Variants in ADAMTS6 observed in about 807,000 individuals in gnomAD.
ADAMTS6 encodes A disintegrin and metalloproteinase with thrombospondin motifs 6.
A neutral mutation model predicts 144.3 loss-of-function variants in ADAMTS6; 23 were observed. The ratio of observed to expected loss-of-function variants is 0.16; its 90% CI spans 0.11 to 0.23. The LOEUF is 0.23. Ranked by LOEUF, ADAMTS6 falls within the 10% of genes least tolerant of loss-of-function variation. The pLI, the probability that ADAMTS6 is intolerant of heterozygous loss-of-function variation, is 1.00. For synonymous variants in ADAMTS6, 444 were observed against 457.5 expected, an observed-to-expected ratio of 0.97 and a Z score of 0.38; for missense variants, 999 against 1,379.6, an observed-to-expected ratio of 0.72 and a Z score of 4.37.
At position 65,237,377 on chromosome 5, in the gene ADAMTS6, G is replaced by A. The variant is rs200113993; in HGVS notation, c.1933+4727C>T. ...CAGTGCAGCCTGGGCGACAGAGGGA[G>A]ACCTTGTCTCAAAAAAAAAAAAAAA... On this transcript the variant is annotated intron_variant, in intron 15 of 24. Transcript: ENST00000381055. 3.9e-5 allele frequency among the ~76,000 whole-genome samples: 5 copies of A among 126,608 alleles called. No homozygotes were observed. The East Asian group carries it at 1.1e-3, about 29-fold the overall frequency. The allele number at this position is 126,608 out of a possible 152,430, so 83.1% of individuals were successfully genotyped here.
intron 7 of ADAMTS6, among the ~76,000 whole-genome samples, chr5:65,424,821 T>C (rs929927881): frequency 2.6e-5 from 4 of 152,336 alleles, no homozygotes; most frequent in East Asian, 1.9e-4. Flanking sequence ...AATTATGTTG[T>C]TTTCCTTGAT....
chr5:65,294,953 G>A (rs1159908391), intron 10 of ADAMTS6, among the ~76,000 whole-genome samples: 1 of 151,828 alleles, frequency 6.6e-6, no homozygotes, highest in African/African-American at 2.4e-5. Context: ...TATAAAAGTA[G>A]TCATACTGTG....
At chr5:65,447,080 T>C (rs1226171971) in intron 7 of ADAMTS6, among the ~76,000 whole-genome samples, 1 of 152,174 alleles carries the variant, frequency 6.6e-6, no homozygotes, top group African/African-American at 2.4e-5. Context: ...CAATACTTTA[T>C]AGGAGAGAAA....
At chr5:65,218,821 TA>T (rs200637282) in intron 18 of ADAMTS6, among the ~76,000 whole-genome samples, 6,860 of 151,892 alleles carry the variant, frequency 0.045, 210 homozygotes, top group Middle Eastern at 0.078. Flanking sequence ...TAGAAAGTAT[TA>T]AAAAAAACAG....
intron 7 of ADAMTS6, among the ~76,000 whole-genome samples, chr5:65,401,131 G>C (rs897967027): frequency 2.0e-5 from 3 of 152,042 alleles, no homozygotes; most frequent in African/African-American, 7.2e-5. Context: ...TGATATACTG[G>C]GTAAAAGCAA....
At chr5:65,210,431 A>G (rs1756435413) in intron 20 of ADAMTS6, 3 of 188,184 alleles carry the variant, frequency 1.6e-5, no homozygotes, top group Admixed American at 1.2e-4. Context: ...AGCCTGGGCG[A>G]CAGAGCGAAA....
At chr5:65,264,690 T>C (rs1761468680) in intron 12 of ADAMTS6, among the ~76,000 whole-genome samples, 1 of 152,054 alleles carries the variant, frequency 6.6e-6, no homozygotes, top group African/African-American at 2.4e-5. Flanking sequence ...ATTGAAGAAT[T>C]CAGTTCCTCA....
chr5:65,260,580 CAG>C lies in ADAMTS6; in HGVS notation c.1830+18_1830+19del. The C allele has an allele frequency of 1.9e-6, 3 of 1,608,418 alleles. No homozygotes were observed. The highest frequency in any genetic ancestry group is 1.7e-6 in the Non-Finnish European group (2 of 1,177,122). ...GAAAGAGTAAGCTAATTTTTCATAA[CAG>C]AGTTTGGTTTTACTTACATCTGTGT... On this transcript the variant is annotated intron_variant, in intron 14 of 24. Transcript: ENST00000381055.
chr5:65,221,940 A>C (rs780760834), intron 18 of ADAMTS6, among the ~76,000 whole-genome samples: 1 of 152,218 alleles, frequency 6.6e-6, no homozygotes, highest in Non-Finnish European at 1.5e-5. Flanking sequence ...TGCAAGACCT[A>C]TATACTGAAA....
rs543284706 is a variant in ADAMTS6 at position 65,192,374 on chromosome 5, GT to G, written c.2706-4155del. Among the ~76,000 whole-genome samples the G allele has an allele frequency of 3.2e-3, 481 of 152,050 alleles. 10 individuals carry two copies. The highest frequency in any genetic ancestry group is 9.7e-3 in the African/African-American group (405 of 41,548). On this transcript the variant is annotated intron_variant, in intron 21 of 24. Transcript: ENST00000381055. ...TCCAACTTGAAGTTGATTAATAAAT[GT>G]TTTTAAATTCTTGGTCACAATATTA...
intron 24 of ADAMTS6, among the ~76,000 whole-genome samples, chr5:65,157,942 GATTTCAATTTCCC>G (rs1282011097): frequency 5.9e-5 from 9 of 152,264 alleles, no homozygotes; most frequent in African/African-American, 2.2e-4. Flanking sequence ...ACTTTACACT[GATTTCAATTTCCC>G]ATAGACTAGA....
At chr5:65,261,420 G>A (rs190990491) in intron 13 of ADAMTS6, among the ~76,000 whole-genome samples, 4 of 151,918 alleles carry the variant, frequency 2.6e-5, no homozygotes, top group Admixed American at 1.3e-4. Context: ...AAGAGGTCCA[G>A]TTTTTTCCCT....
At chr5:65,346,506 C>T (rs933482223) in intron 7 of ADAMTS6, among the ~76,000 whole-genome samples, 1 of 151,698 alleles carries the variant, frequency 6.6e-6, no homozygotes, top group Non-Finnish European at 1.5e-5. Flanking sequence ...ATATGACAAA[C>T]CCACAGCTAA....
At chr5:65,357,229 A>C (rs879014022) in intron 7 of ADAMTS6, among the ~76,000 whole-genome samples, 1 of 151,944 alleles carries the variant, frequency 6.6e-6, no homozygotes, top group Admixed American at 6.6e-5. Context: ...TCAAAAAAGA[A>C]ATAGAATGCA....
intron 10 of ADAMTS6, among the ~76,000 whole-genome samples, chr5:65,296,873 G>C (rs1285548942): frequency 6.6e-6 from 1 of 152,182 alleles, no homozygotes; most frequent in Non-Finnish European, 1.5e-5. Context: ...CAGAGCAAGA[G>C]TTGATTCACA....
rs78198303 is a variant in ADAMTS6, at chr5:65,246,226, C to T, written c.1831-4020G>A. On this transcript the variant is annotated intron_variant, in intron 14 of 24. Coordinates refer to ENST00000381055, the MANE Select transcript of ADAMTS6 (RefSeq NM_197941.4). Reference sequence around the variant, plus strand: ...ATTATCCTTCTCCTTTCTTCTGGATCCACACTGAACAAATCTTACCCTAAA... The same window carrying T: ...ATTATCCTTCTCCTTTCTTCTGGATTCACACTGAACAAATCTTACCCTAAA... 3.3e-3 allele frequency among the ~76,000 whole-genome samples: 506 copies of T among 152,292 alleles called. 3 individuals carry two copies. Among genetic ancestry groups the T allele is most frequent in the African/African-American group, 0.011 (467 of 41,576 alleles).
chr5:65,375,954 G>A lies in ADAMTS6; in HGVS notation c.1074-41869C>T, dbSNP rs1000110745. On this transcript the variant is annotated intron_variant, in intron 7 of 24. Transcript: ENST00000381055. ...CCGTAAAAAATGATGAGTTCATGTC[G>A]TTTGTAGGGACATGGATGAAATTGG... 2.9e-4 allele frequency among the ~76,000 whole-genome samples: 44 copies of A among 152,220 alleles called. 1 individual carries two copies. The highest frequency in any genetic ancestry group is 1.0e-4 in the Non-Finnish European group (7 of 68,022).
intron 24 of ADAMTS6, among the ~76,000 whole-genome samples, chr5:65,157,025 G>A (rs936493689): frequency 4.6e-5 from 7 of 152,184 alleles, no homozygotes; most frequent in South Asian, 2.1e-4. Flanking sequence ...ATGACTTTAC[G>A]GAGAATTCCC....
chr5:65,400,871 G>A (rs1753860651), intron 7 of ADAMTS6, among the ~76,000 whole-genome samples: 1 of 152,094 alleles, frequency 6.6e-6, no homozygotes, highest in Non-Finnish European at 1.5e-5. Context: ...CCGTTACAGC[G>A]TTTTTGATCT....
Sources: gnomAD v4.1 joint callset for allele counts (sites outside exome capture counted in the v4.1 genomes callset) on GRCh38, gnomAD v4.1.1 for gene constraint, MANE v1.5 for transcripts, NCBI Gene and HGNC (gene_info 2026-07-23, HGNC 2026-07-21) for gene names.